BACH2: variants seen among roughly 807,000 people sequenced by gnomAD.
BACH2 encodes transcription regulator protein BACH2.
In BACH2, 5 loss-of-function variants were observed where a neutral mutation model predicts 61.8. The ratio of observed to expected loss-of-function variants is 0.08; its 90% CI spans 0.04 to 0.17. BACH2 has a LOEUF of 0.17. Ranked by LOEUF, BACH2 falls within the 10% of genes least tolerant of loss-of-function variation. BACH2 has a pLI of 1.00. For synonymous variants in BACH2, 446 were observed against 440.1 expected, an observed-to-expected ratio of 1.01 and a Z score of -0.17; for missense variants, 824 against 1,091.1, an observed-to-expected ratio of 0.76 and a Z score of 3.45.
chr6:89,927,930 T>TG lies in BACH2; in HGVS notation c.*4477dup, dbSNP rs1166665622. ...GGTTTTGGACGCTGGGGTCATGAGATGGCTCAGGCAGTACTATAAACATAC... is the reference window on the plus strand; with the variant it reads ...GGTTTTGGACGCTGGGGTCATGAGATGGGCTCAGGCAGTACTATAAACATAC... On this transcript the variant is annotated 3_prime_UTR_variant, in exon 9 of 9. Coordinates refer to ENST00000257749, the MANE Select transcript of BACH2 (RefSeq NM_021813.4). The TG allele has an allele frequency of 6.6e-6, 1 of 152,408 alleles. No homozygotes were observed. The highest frequency in any genetic ancestry group is 6.5e-5 in the Admixed American group (1 of 15,276). 9.4% of individuals were successfully genotyped at this position (152,408 alleles called of 1,614,324 possible). A position where few individuals can be genotyped will look rare whatever the true frequency, so the allele number is the denominator to read the frequency against.
intron 1 of BACH2, among the ~76,000 whole-genome samples, chr6:90,286,294 T>C (rs1401077371): frequency 6.6e-6 from 1 of 152,266 alleles, no homozygotes; most frequent in Non-Finnish European, 1.5e-5. Flanking sequence ...TAAAATGTAC[T>C]GTTTAATGTG....
intron 8 of BACH2, among the ~76,000 whole-genome samples, chr6:89,935,286 T>A (rs965492828): frequency 6.6e-6 from 1 of 152,160 alleles, no homozygotes; most frequent in African/African-American, 2.4e-5. Context: ...AAAAAACTTA[T>A]ATGGGTGGCT....
At chr6:90,093,929 T>A (rs1387193228) in intron 4 of BACH2, among the ~76,000 whole-genome samples, 1 of 152,208 alleles carries the variant, frequency 6.6e-6, no homozygotes, top group Non-Finnish European at 1.5e-5. Context: ...TGCTTTTTCA[T>A]TTCTTCGTAT....
chr6:90,197,228 T>C (rs1401783981), intron 4 of BACH2, among the ~76,000 whole-genome samples: 1 of 152,130 alleles, frequency 6.6e-6, no homozygotes, highest in Non-Finnish European at 1.5e-5. Context: ...GGCCTCTGTA[T>C]CACAAAAATG....
rs539146562 is a variant in BACH2 at position 90,188,826 on chromosome 6, AAAAT to A, written c.-162+17739_-162+17742del. 1.6e-4 allele frequency among the ~76,000 whole-genome samples: 25 copies of A among 152,090 alleles called. No homozygotes were observed. The South Asian group carries it at 5.0e-3, about 30-fold the overall frequency. On this transcript the variant is annotated intron_variant, in intron 4 of 8. Coordinates refer to ENST00000257749, the MANE Select transcript of BACH2 (RefSeq NM_021813.4). ...ACGTTTTTTAGCATTGGATTAAAAA[AAAAT>A]AAAAAACAACATCAGTTTCCAAAGG...
At chr6:89,973,895 T>TATTTCAG (rs372794518) in intron 6 of BACH2, among the ~76,000 whole-genome samples, 1 of 152,182 alleles carries the variant, frequency 6.6e-6, no homozygotes, top group African/African-American at 2.4e-5. Flanking sequence ...GATGAAAATT[T>TATTTCAG]ATTTCAGATT....
At chr6:90,275,935 C>T (rs573050189) in intron 1 of BACH2, among the ~76,000 whole-genome samples, 3 of 151,712 alleles carry the variant, frequency 2.0e-5, no homozygotes, top group Non-Finnish European at 4.4e-5. Flanking sequence ...CACCACTGCA[C>T]TCCAGCCTGG....
chr6:89,985,983 G>A (rs1776215477), intron 6 of BACH2, among the ~76,000 whole-genome samples: 2 of 152,224 alleles, frequency 1.3e-5, no homozygotes, highest in African/African-American at 2.4e-5. Context: ...GGTGTGGGCT[G>A]CTGCCCACGT....
At chr6:89,940,119 T>C (rs1310734671) in intron 7 of BACH2, among the ~76,000 whole-genome samples, 1 of 152,170 alleles carries the variant, frequency 6.6e-6, no homozygotes, top group East Asian at 1.9e-4. Flanking sequence ...CAAGCGATTC[T>C]CCTGCCTCAC....
rs141966281 is a variant in BACH2 at position 89,991,479 on chromosome 6, G to GCACACACA, written c.243+17115_243+17122dup. Among the ~76,000 whole-genome samples the GCACACACA allele has an allele frequency of 2.7e-5, 4 of 150,176 alleles. No homozygotes were observed. In the East Asian group the frequency reaches 5.8e-4, roughly 22 times the overall value. ...TGTTCACGTAAGCGTGCACGCGCAT[G>GCACACACA]CACACACACACACACACATGCATAT... On this transcript the variant is annotated intron_variant, in intron 6 of 8. Transcript: ENST00000257749.
chr6:90,285,110 C>T (rs1424862736), intron 1 of BACH2, among the ~76,000 whole-genome samples: 2 of 152,164 alleles, frequency 1.3e-5, no homozygotes, highest in African/African-American at 4.8e-5. Context: ...TTAGAAGCCT[C>T]AGAAAAGCAA....
intron 1 of BACH2, among the ~76,000 whole-genome samples, chr6:90,296,070 G>T (rs1353593260): frequency 6.6e-6 from 1 of 152,138 alleles, no homozygotes; most frequent in East Asian, 2.0e-4. Context: ...CCGGGGGCAG[G>T]GCCGCGGGTC....
chr6:90,219,199 A>G (rs1272689971), intron 3 of BACH2, among the ~76,000 whole-genome samples: 1 of 152,210 alleles, frequency 6.6e-6, no homozygotes, highest in East Asian at 1.9e-4. Flanking sequence ...TCTTTCTTGT[A>G]AGTGTATGCC....
intron 6 of BACH2, among the ~76,000 whole-genome samples, chr6:89,977,578 A>G (rs575109746): frequency 1.1e-4 from 17 of 152,384 alleles, no homozygotes; most frequent in Non-Finnish European, 1.8e-4. Flanking sequence ...AGAAGAATAG[A>G]AATTCATTTT....
intron 4 of BACH2, among the ~76,000 whole-genome samples, chr6:90,101,257 T>C (rs1782613632): frequency 6.6e-6 from 1 of 152,220 alleles, no homozygotes; most frequent in Non-Finnish European, 1.5e-5. Context: ...GTCCCATTTA[T>C]CTAATTTTTC....
At chr6:90,235,658 A>G (rs906095853) in intron 3 of BACH2, among the ~76,000 whole-genome samples, 1 of 152,214 alleles carries the variant, frequency 6.6e-6, no homozygotes, top group African/African-American at 2.4e-5. Flanking sequence ...TCTCTAAAAA[A>G]TTTTTTTAAA....
At chr6:90,170,888 A>G (rs1409501447) in intron 4 of BACH2, among the ~76,000 whole-genome samples, 1 of 152,228 alleles carries the variant, frequency 6.6e-6, no homozygotes, top group Non-Finnish European at 1.5e-5. Context: ...CAAGGAAATT[A>G]GAACCTAGAG....
intron 5 of BACH2, among the ~76,000 whole-genome samples, chr6:90,057,612 TA>T (rs1780439299): frequency 6.6e-6 from 1 of 152,206 alleles, no homozygotes; most frequent in Admixed American, 6.5e-5. Flanking sequence ...GAATCCTCCC[TA>T]ACTCATTTTA....
chr6:90,214,312 C>A (rs1436811957), intron 3 of BACH2, among the ~76,000 whole-genome samples: 1 of 151,746 alleles, frequency 6.6e-6, no homozygotes, highest in Non-Finnish European at 1.5e-5. Flanking sequence ...TGAAAGAATC[C>A]CAGACCCCTC....
Sources: gnomAD v4.1 joint callset for allele counts (sites outside exome capture counted in the v4.1 genomes callset) on GRCh38, gnomAD v4.1.1 for gene constraint, MANE v1.5 for transcripts, NCBI Gene and HGNC (gene_info 2026-07-23, HGNC 2026-07-21) for gene names.